Variants in RUBCNL observed in about 807,000 individuals in gnomAD.
The protein encoded by RUBCNL is protein associated with UVRAG as autophagy enhancer.
Under a neutral mutation model 69.5 loss-of-function variants are expected in RUBCNL, and 62 were observed. That is an observed-to-expected ratio of 0.89 (90% CI 0.73 to 1.10). The LOEUF is 1.10. RUBCNL is among the 50% of genes least tolerant of loss of function. RUBCNL has a pLI of 0.00. For synonymous variants in RUBCNL, 291 were observed against 303.6 expected (o/e 0.96, Z 0.43); for missense variants, 768 against 798.1 (o/e 0.96, Z 0.45).
rs568740485 is a variant in RUBCNL at position 46,372,025 on chromosome 13, G to T, written c.451C>A (p.Pro151Thr). 1 of 1,614,008 alleles carries T rather than the reference G, an allele frequency of 6.2e-7. No individual in the cohort carries two copies. The highest frequency in any genetic ancestry group is 8.5e-7 in the Non-Finnish European group (1 of 1,179,890). The change falls in exon 3 of 15, where the codon CCT becomes ACT. Residue 151 changes from proline (P) to threonine (T), a missense_variant. Coordinates refer to ENST00000429979, the MANE Select transcript of RUBCNL (RefSeq NM_025113.5). ...TATGGGGAGGTGGCCAAAATCCCAG[G>T]GCTTGTGGGCAGAGACACCCGATGA... ...YSHRVSLPTS[P>T]GILATSPYPE... is the part of the protein sequence containing the mutation.
Position 46,372,525 on chromosome 13 carries a change from C to G in RUBCNL, c.-50G>C, listed in dbSNP as rs547182692. ...AATCCATTCAAAACAGATAGGAGTT[C>G]CCTGATTGCTGGTACTACTTGATTT... On this transcript the variant is annotated 5_prime_UTR_variant, in exon 3 of 15. Coordinates refer to ENST00000429979, the MANE Select transcript of RUBCNL (RefSeq NM_025113.5). 18 of 1,533,370 alleles carry G rather than the reference C, an allele frequency of 1.2e-5. No individual in the cohort carries two copies. The highest frequency in any genetic ancestry group is 2.3e-4 in the Middle Eastern group (1 of 4,354). 95.0% of individuals were successfully genotyped at this position (1,533,370 alleles called of 1,614,324 possible).
In RUBCNL at chr13:46,387,133, C is replaced by A. The variant is rs1394890066; in HGVS notation, c.-239+1G>T. 8 of 985,490 alleles carry A rather than the reference C, an allele frequency of 8.1e-6. No homozygotes were observed. The South Asian group carries it at 3.3e-4, about 40-fold the overall frequency. The allele number at this position is 985,490 out of a possible 1,614,324, so 61.0% of individuals were successfully genotyped here. On this transcript the variant is annotated splice_donor_variant, in intron 1 of 14. Coordinates refer to ENST00000429979, the MANE Select transcript of RUBCNL (RefSeq NM_025113.5). LOFTEE classifies it low-confidence loss of function (5UTR_SPLICE). ...CTCGCCCCCGGCCCCGCCAGCCTCA[C>A]CCAGCCAAACCCGAGCGGTGGAACG... is the stretch of plus-strand genomic sequence containing the variant.
At chr13:46,350,918 A>C (rs1249838417) in intron 10 of RUBCNL, 1 of 152,260 alleles carries the variant, frequency 6.6e-6, no homozygotes, top group Non-Finnish European at 1.5e-5. Flanking sequence ...GGAAAGAAGA[A>C]ATGCAGATAA....
At chr13:46,364,435 C>T (rs2096823947) in intron 5 of RUBCNL, among the ~76,000 whole-genome samples, 1 of 151,966 alleles carries the variant, frequency 6.6e-6, no homozygotes, top group Non-Finnish European at 1.5e-5. Flanking sequence ...TTACAGTAGG[C>T]TGGCTGACTT....
upstream of RUBCNL, among the ~76,000 whole-genome samples, chr13:46,388,524 A>G (rs1322667428): frequency 2.7e-5 from 4 of 150,808 alleles, no homozygotes; most frequent in Non-Finnish European, 5.9e-5. Context: ...GAAAGGAAGG[A>G]AGGAAGGAAG....
At chr13:46,389,221 G>A (rs1458886566), upstream of RUBCNL, among the ~76,000 whole-genome samples, 1 of 152,176 alleles carries the variant, frequency 6.6e-6, no homozygotes, top group Non-Finnish European at 1.5e-5. The surrounding 1 kb of genome is among the most constrained non-coding windows in gnomAD (Gnocchi z 4.2). Context: ...CTATGACTTA[G>A]GTTCAAATAA....
rs539575830 is a variant in RUBCNL at position 46,372,142 on chromosome 13, C to T, written c.334G>A (p.Val112Ile). Residue 112 changes from valine (V) to isoleucine (I), a missense_variant, in exon 3 of 15, where the codon GTT becomes ATT. Physicochemically the swap from Val to Ile is conservative, Grantham distance 29. Transcript: ENST00000429979. ...GAGCCATGGGGAGAAGCGCTGCCAA[C>T]GGAGTCTGTGGTATCCTCAGACAAC... ...TTLSEDTTDSVGSASPHGSSE... is the reference protein window; with the variant it reads ...TTLSEDTTDSIGSASPHGSSE... 66 of 1,613,992 alleles carry T rather than the reference C, an allele frequency of 4.1e-5. No homozygotes were observed. In the Admixed American group the frequency reaches 4.2e-4, roughly 10 times the overall value.
intron 5 of RUBCNL, among the ~76,000 whole-genome samples, chr13:46,366,735 G>A (rs2048765148): frequency 6.6e-6 from 1 of 152,144 alleles, no homozygotes; most frequent in Non-Finnish European, 1.5e-5. Flanking sequence ...TGGAAAGAAG[G>A]GGATTGTGAG....
chr13:46,345,352 C>T, intron 13 of RUBCNL, 95 bp downstream of exon 13: 1 of 1,430,130 alleles, frequency 7.0e-7, no homozygotes, highest in South Asian at 1.4e-5. Context: ...CGGCACTTCC[C>T]TCAGGGTTTG....
chr13:46,345,733 A>ACCG, intron 12 of RUBCNL, 133 bp from the exon 13 acceptor site: 1 of 883,684 alleles, frequency 1.1e-6, no homozygotes, highest in South Asian at 1.9e-5. Flanking sequence ...AAATAGCTCC[A>ACCG]AGAACAACAG....
At chr13:46,388,444 AGAAGGAAG>A (rs542191511), upstream of RUBCNL, among the ~76,000 whole-genome samples, 101 of 150,038 alleles carry the variant, frequency 6.7e-4, no homozygotes, top group African/African-American at 2.4e-3. Context: ...AAGGAAGGAA[AGAAGGAAG>A]GAAGGAAGGT....
intron 10 of RUBCNL, among the ~76,000 whole-genome samples, chr13:46,352,421 G>GATT (rs1165665716): frequency 6.6e-6 from 1 of 152,214 alleles, no homozygotes; most frequent in Non-Finnish European, 1.5e-5. Flanking sequence ...ATACTGGGAG[G>GATT]ATTAATGAAA....
chr13:46,356,127 C>A (rs559718951), intron 10 of RUBCNL, among the ~76,000 whole-genome samples: 1 of 152,206 alleles, frequency 6.6e-6, no homozygotes, highest in African/African-American at 2.4e-5. Context: ...GGAGAGAAAA[C>A]CACAAACGCA....
intron 2 of RUBCNL, among the ~76,000 whole-genome samples, chr13:46,377,609 G>A (rs1200967778): frequency 6.6e-6 from 1 of 152,162 alleles, no homozygotes; most frequent in African/African-American, 2.4e-5. Flanking sequence ...AGTTCAAAGA[G>A]AATGACCTTA....
At chr13:46,382,522 C>A (rs368334396) in intron 1 of RUBCNL, among the ~76,000 whole-genome samples, 1 of 152,220 alleles carries the variant, frequency 6.6e-6, no homozygotes, top group African/African-American at 2.4e-5. Flanking sequence ...CCTAAGGAAT[C>A]CAGACATCCA....
intron 5 of RUBCNL, among the ~76,000 whole-genome samples, chr13:46,366,252 C>A (rs1032301118): frequency 3.3e-5 from 5 of 152,216 alleles, no homozygotes; most frequent in Non-Finnish European, 5.9e-5. Flanking sequence ...CAAGGTAAGG[C>A]CCATCAGGTG....
chr13:46,359,408 T>C, intron 9 of RUBCNL, 78 bp downstream of exon 9: 4 of 1,198,552 alleles, frequency 3.3e-6, no homozygotes, highest in Non-Finnish European at 4.5e-6. Flanking sequence ...TTTTTTCACC[T>C]ACTGCCATAG....
intron 10 of RUBCNL, chr13:46,354,904 T>C (rs948244185): frequency 2.0e-5 from 9 of 455,500 alleles, no homozygotes; most frequent in African/African-American, 1.4e-4. Context: ...GATAGTCATA[T>C]GTGTACAGTT....
rs1275175173 is a variant in RUBCNL, at chr13:46,372,692, A to G, written c.-122-95T>C. On this transcript the variant is annotated intron_variant, in intron 2 of 14. Coordinates refer to ENST00000429979, the MANE Select transcript of RUBCNL (RefSeq NM_025113.5). ...GATGGCAAAACCCAAAAAATTTAGA[A>G]GTCTGTACTTGGCTCTATCCAACAT... 3 of 1,169,106 alleles carry G rather than the reference A, an allele frequency of 2.6e-6. No individual in the cohort carries two copies. The African/African-American group carries it at 4.6e-5, about 18-fold the overall frequency. The allele number at this position is 1,169,106 out of a possible 1,614,324, so 72.4% of individuals were successfully genotyped here.
Sources: allele counts gnomAD v4.1 joint callset (sites outside exome capture counted in the v4.1 genomes callset), GRCh38; gene constraint gnomAD v4.1.1; non-coding constraint Gnocchi (gnomAD v3.1); transcripts MANE v1.5; gene names NCBI Gene and HGNC (gene_info 2026-07-23, HGNC 2026-07-21).